Variants in GTF2F2 observed in about 807,000 individuals in gnomAD.
GTF2F2 encodes general transcription factor IIF subunit 2.
In GTF2F2, 23 loss-of-function variants were observed where a neutral mutation model predicts 42.2. That is an observed-to-expected ratio of 0.55 (90% CI 0.39 to 0.77). The LOEUF is 0.77. GTF2F2 is among the 30% of genes least tolerant of loss of function. The probability of loss-of-function intolerance (pLI) is 0.00; values close to 1 mark genes in which losing one functional copy is unlikely to be tolerated. For missense variants in GTF2F2, 261 were observed against 287.2 expected (o/e 0.91, Z 0.66); for synonymous variants, 105 against 100.8 (o/e 1.04, Z -0.25).
chr13:45,249,151 A>G (rs1296815958), intron 5 of GTF2F2, among the ~76,000 whole-genome samples: 2 of 152,206 alleles, frequency 1.3e-5, no homozygotes, highest in Non-Finnish European at 2.9e-5. Context: ...TTGTCACTTC[A>G]TGAGATAGTG....
At chr13:45,148,991 T>C (rs1870343826) in intron 2 of GTF2F2, among the ~76,000 whole-genome samples, 1 of 152,154 alleles carries the variant, frequency 6.6e-6, no homozygotes, top group Admixed American at 6.5e-5. Context: ...ATTTAAATTA[T>C]TAAATTTAAT....
At chr13:45,194,711 G>GTT (rs766614055) in intron 4 of GTF2F2, 41 of 716,100 alleles carry the variant, frequency 5.7e-5, no homozygotes, top group Non-Finnish European at 9.7e-5. Context: ...TGTCAGCTCG[G>GTT]TTTTGCAGTA....
intron 1 of GTF2F2, among the ~76,000 whole-genome samples, chr13:45,122,367 G>A (rs749942989): frequency 5.9e-5 from 9 of 152,156 alleles, no homozygotes; most frequent in Non-Finnish European, 1.3e-4. Context: ...TGGGCATGGT[G>A]GCTCACGCCT....
At chr13:45,206,839 T>C (rs1873433442) in intron 4 of GTF2F2, 1 of 152,192 alleles carries the variant, frequency 6.6e-6, no homozygotes, top group Non-Finnish European at 1.5e-5. Context: ...GATTCTGTTT[T>C]GACATGCCCA....
chr13:45,158,885 A>G (rs978414439), intron 4 of GTF2F2, among the ~76,000 whole-genome samples: 2 of 152,174 alleles, frequency 1.3e-5, no homozygotes, highest in Non-Finnish European at 2.9e-5. Flanking sequence ...ACTTTTTAGA[A>G]TGGTTTTCAA....
At chr13:45,217,673 G>A (rs956616691) in intron 5 of GTF2F2, among the ~76,000 whole-genome samples, 2 of 152,198 alleles carry the variant, frequency 1.3e-5, no homozygotes, top group Non-Finnish European at 2.9e-5. Context: ...GTCCTGAGAA[G>A]CAGTATTGGC....
chr13:45,205,169 A>G (rs559677504), intron 4 of GTF2F2, among the ~76,000 whole-genome samples: 9 of 152,352 alleles, frequency 5.9e-5, no homozygotes, highest in Admixed American at 2.6e-4. Flanking sequence ...GGTAGTTTAT[A>G]AAGGAAACAG....
chr13:45,175,893 G>C (rs1242205025), intron 4 of GTF2F2, among the ~76,000 whole-genome samples: 1 of 152,168 alleles, frequency 6.6e-6, no homozygotes, highest in Admixed American at 6.5e-5. Flanking sequence ...CAAAGTGTTG[G>C]ATTACAGGCA....
chr13:45,249,029 A>G (rs1360026574), intron 5 of GTF2F2, among the ~76,000 whole-genome samples: 1 of 152,114 alleles, frequency 6.6e-6, no homozygotes, highest in Non-Finnish European at 1.5e-5. Flanking sequence ...TCCAAATTAT[A>G]TTATTTTGTA....
chr13:45,151,845 G>A lies in GTF2F2; in HGVS notation c.304+14G>A. 2 of 1,295,474 alleles carry A rather than the reference G, an allele frequency of 1.5e-6. No homozygotes were observed. Among genetic ancestry groups the A allele is most frequent in the Non-Finnish European group, 2.1e-6 (2 of 964,472 alleles). 80.2% of individuals were successfully genotyped at this position (1,295,474 alleles called of 1,614,324 possible). A position where few individuals can be genotyped will look rare whatever the true frequency, so the allele number is the denominator to read the frequency against. On this transcript the variant is annotated intron_variant, in intron 4 of 7. Coordinates refer to ENST00000340473, the MANE Select transcript of GTF2F2 (RefSeq NM_004128.3). The stretch of plus-strand genomic sequence containing the variant: ...AGAGCTCATCAGGTAAGTGGGAATG[G>A]AATTATTTAATGTGATTCCTGTACA...
chr13:45,132,162 C>T (rs1414487786), intron 1 of GTF2F2, among the ~76,000 whole-genome samples: 3 of 152,106 alleles, frequency 2.0e-5, no homozygotes, highest in Admixed American at 2.0e-4. Flanking sequence ...AACCTATTAC[C>T]ATGGGCTTAG....
intron 4 of GTF2F2, chr13:45,193,820 C>A: frequency 6.2e-7 from 1 of 1,607,804 alleles, no homozygotes; most frequent in East Asian, 2.2e-5. Flanking sequence ...TCGCTGTGAA[C>A]AATTGACCCT....
intron 2 of GTF2F2, among the ~76,000 whole-genome samples, chr13:45,138,093 A>G (rs987986214): frequency 2.0e-5 from 3 of 151,786 alleles, no homozygotes; most frequent in South Asian, 4.2e-4. Context: ...TTTTTTCCCC[A>G]CTTTACTCTA....
intron 5 of GTF2F2, among the ~76,000 whole-genome samples, chr13:45,247,940 G>T (rs1032440691): frequency 2.6e-5 from 4 of 151,514 alleles, no homozygotes; most frequent in Admixed American, 2.6e-4. Context: ...TACCTTCTGG[G>T]TTCAAGCAAT....
chr13:45,213,023 T>A (rs1236915986), intron 5 of GTF2F2, among the ~76,000 whole-genome samples: 1 of 151,926 alleles, frequency 6.6e-6, no homozygotes, highest in African/African-American at 2.4e-5. Flanking sequence ...GTTACAGGCG[T>A]GAGCCACCAT....
intron 4 of GTF2F2, among the ~76,000 whole-genome samples, chr13:45,165,163 T>TA (rs954577427): frequency 4.7e-5 from 7 of 150,510 alleles, no homozygotes; most frequent in Non-Finnish European, 7.4e-5. Flanking sequence ...CATTAAGAAA[T>TA]AAAGAGAAAT....
At chr13:45,187,538 T>A (rs1343202061) in intron 4 of GTF2F2, among the ~76,000 whole-genome samples, 3 of 152,246 alleles carry the variant, frequency 2.0e-5, no homozygotes, top group Non-Finnish European at 2.9e-5. Context: ...TAAATTTTTT[T>A]AGCCATATTT....
intron 6 of GTF2F2, among the ~76,000 whole-genome samples, chr13:45,264,606 A>G (rs945430035): frequency 6.6e-6 from 1 of 152,030 alleles, no homozygotes; most frequent in African/African-American, 2.4e-5. Context: ...GAATTCGGTA[A>G]TTTTCTTACT....
rs1414457859 is a variant in GTF2F2 at position 45,184,565 on chromosome 13, A to G, written c.305-22859A>G. Among the ~76,000 whole-genome samples, 4 of 151,750 alleles carry G rather than the reference A, an allele frequency of 2.6e-5. No individual in the cohort carries two copies. The East Asian group carries it at 7.7e-4, about 29-fold the overall frequency. Reference sequence around the variant, plus strand: ...ACTGTAGCTAGCCTTTTTTCCCTTTAATTGTGAAATCCTCACCTGCTTTTC... The same window carrying G: ...ACTGTAGCTAGCCTTTTTTCCCTTTGATTGTGAAATCCTCACCTGCTTTTC... On this transcript the variant is annotated intron_variant, in intron 4 of 7. Coordinates refer to ENST00000340473, the MANE Select transcript of GTF2F2 (RefSeq NM_004128.3).
Sources: allele counts gnomAD v4.1 joint callset (sites outside exome capture counted in the v4.1 genomes callset), GRCh38; gene constraint gnomAD v4.1.1; transcripts MANE v1.5; gene names NCBI Gene and HGNC (gene_info 2026-07-23, HGNC 2026-07-21).